ARHGEF6: variants seen among roughly 807,000 people sequenced by gnomAD.
ARHGEF6 encodes rho guanine nucleotide exchange factor 6.
In ARHGEF6, 9 loss-of-function variants were observed where a neutral mutation model predicts 70.3. That is an observed-to-expected ratio of 0.13 (90% confidence interval 0.08 to 0.22). ARHGEF6 has a LOEUF of 0.22. Ranked by LOEUF, ARHGEF6 falls within the 10% of genes least tolerant of loss-of-function variation. The pLI, the probability that ARHGEF6 is intolerant of heterozygous loss-of-function variation, is 1.00. For synonymous variants in ARHGEF6, 201 were observed against 207.8 expected (o/e 0.97, Z 0.28); for missense variants, 470 against 563.0 (o/e 0.83, Z 1.67).
At chrX:136,746,593 C>T (rs1231868290) in intron 3 of ARHGEF6, among the ~76,000 whole-genome samples, 1 of 111,588 alleles carries the variant, frequency 9.0e-6, no homozygotes, top group Non-Finnish European at 1.9e-5. Flanking sequence ...GGGACCATAG[C>T]TTTGACATTT....
intron 2 of ARHGEF6, among the ~76,000 whole-genome samples, chrX:136,769,009 A>G (rs1406143818): frequency 4.5e-5 from 5 of 109,996 alleles, no homozygotes; most frequent in African/African-American, 1.7e-4. Context: ...AGAGAGGGGG[A>G]AAGAGAGGAG....
intron 6 of ARHGEF6, among the ~76,000 whole-genome samples, chrX:136,722,171 T>C (rs1283807178): frequency 9.0e-6 from 1 of 111,446 alleles, no homozygotes. Flanking sequence ...CCCTACCTCA[T>C]ACCATATACA....
Position 136,679,539 on chromosome X carries a change from T to A in ARHGEF6, c.1826A>T (p.Lys609Ile), listed in dbSNP as rs756204695. Residue 609 changes from lysine (K) to isoleucine (I), a missense_variant, in exon 16 of 22, where the codon AAA becomes ATA. Lys to Ile is a moderately radical substitution (Grantham distance 102). Transcript: ENST00000250617. ...TACCATAGGTAGCAAAATTACCTCT[T>A]TATAACCTAGTGCTGCTGATGGTCT... is the stretch of plus-strand genomic sequence containing the variant. ...PLRPSAALGY[K>I]ERMSYILKES... 8.3e-7 allele frequency: 1 copy of A among 1,211,473 alleles called. No individual in the cohort carries two copies. Among genetic ancestry groups the A allele is most frequent in the Non-Finnish European group, 1.1e-6 (1 of 895,209 alleles).
chrX:136,705,861 A>G (rs1243235723), intron 9 of ARHGEF6, among the ~76,000 whole-genome samples: 1 of 112,653 alleles, frequency 8.9e-6, no homozygotes, highest in Non-Finnish European at 1.9e-5. Context: ...TTAATAAACC[A>G]GGACAAGAAC....
At chrX:136,755,788 G>A (rs958827087) in intron 2 of ARHGEF6, among the ~76,000 whole-genome samples, 2 of 111,816 alleles carry the variant, frequency 1.8e-5, no homozygotes, top group Admixed American at 1.9e-4. Flanking sequence ...CATTATGCAG[G>A]TACTGAGATT....
chrX:136,769,477 G>A (rs749567345), intron 2 of ARHGEF6, among the ~76,000 whole-genome samples: 2 of 111,658 alleles, frequency 1.8e-5, no homozygotes, highest in East Asian at 5.6e-4. Context: ...AGATGGTAGG[G>A]TGTCCCTGGC....
At chrX:136,741,395 C>G (rs770588336) in intron 5 of ARHGEF6, among the ~76,000 whole-genome samples, 1 of 111,682 alleles carries the variant, frequency 9.0e-6, no homozygotes, top group Non-Finnish European at 1.9e-5. Flanking sequence ...TTTCTTTTCC[C>G]TAGCTTACTT....
At chrX:136,775,692 G>A (rs1382559919) in intron 2 of ARHGEF6, among the ~76,000 whole-genome samples, 1 of 111,333 alleles carries the variant, frequency 9.0e-6, no homozygotes. Flanking sequence ...GGAAGTCCTA[G>A]CCAGAGCAAT....
intron 20 of ARHGEF6, among the ~76,000 whole-genome samples, chrX:136,670,548 T>A (rs1228028797): frequency 3.6e-5 from 4 of 111,657 alleles, no homozygotes; most frequent in Admixed American, 9.5e-5. Flanking sequence ...TTTGGTACCC[T>A]TTGACCAACA....
intron 6 of ARHGEF6, among the ~76,000 whole-genome samples, chrX:136,717,573 T>G (rs1262754677): frequency 8.9e-6 from 1 of 111,826 alleles, no homozygotes; most frequent in African/African-American, 3.2e-5. Context: ...AATAAAAACT[T>G]TTTTCTTATT....
intron 16 of ARHGEF6, 149 bp from the exon 17 acceptor site, chrX:136,678,105 A>T (rs749404971): frequency 1.8e-6 from 1 of 547,822 alleles, no homozygotes; most frequent in Non-Finnish European, 3.2e-6. Flanking sequence ...CATTTCCCAC[A>T]TTAGTTTCAG....
chrX:136,675,304 T>C (rs1452276761), intron 18 of ARHGEF6, among the ~76,000 whole-genome samples: 5 of 104,698 alleles, frequency 4.8e-5, no homozygotes, highest in African/African-American at 7.1e-5. Flanking sequence ...CTCAGCTTAG[T>C]GGAGGGCCTA....
intron 16 of ARHGEF6, 84 bp downstream of exon 16, chrX:136,679,451 C>T: frequency 9.2e-7 from 1 of 1,090,643 alleles, no homozygotes; most frequent in Non-Finnish European, 1.3e-6. Context: ...ATCTTAAATT[C>T]TAGCACATTC....
In ARHGEF6 at chrX:136,667,535, A is replaced by T. The variant is rs1487978677; in HGVS notation, c.*494T>A. 8.0e-6 allele frequency: 1 copy of T among 124,315 alleles called. No individual in the cohort carries two copies. Among genetic ancestry groups the T allele is most frequent in the Non-Finnish European group, 1.6e-5 (1 of 60,876 alleles). 10.2% of individuals were successfully genotyped at this position (124,315 alleles called of 1,213,427 possible). On this transcript the variant is annotated 3_prime_UTR_variant, in exon 22 of 22. Coordinates refer to ENST00000250617, the MANE Select transcript of ARHGEF6 (RefSeq NM_004840.3). ...CTGGAAGATTTGCCTTCGGTAAATT[A>T]AGTACTAAGAGGCTTGCAGGTACAG...
intron 9 of ARHGEF6, 54 bp from the exon 10 acceptor site, chrX:136,690,802 T>C (rs1428540475): frequency 2.6e-5 from 30 of 1,139,117 alleles, no homozygotes; most frequent in Non-Finnish European, 3.4e-5. Context: ...ATGTAAAGAA[T>C]TATCAACCTA....
chrX:136,698,229 A>T (rs763662422), intron 9 of ARHGEF6, among the ~76,000 whole-genome samples: 4 of 112,044 alleles, frequency 3.6e-5, no homozygotes, highest in Non-Finnish European at 5.6e-5. Context: ...AAAAGGAGAA[A>T]AAAGAATAAA....
chrX:136,686,504 C>G (rs1220684823), intron 11 of ARHGEF6, among the ~76,000 whole-genome samples: 1 of 101,140 alleles, frequency 9.9e-6, no homozygotes, highest in African/African-American at 3.6e-5. Flanking sequence ...TGATGACATA[C>G]TGAAATTTCA....
At chrX:136,696,316 G>C (rs1463514476) in intron 9 of ARHGEF6, among the ~76,000 whole-genome samples, 2 of 111,828 alleles carry the variant, frequency 1.8e-5, no homozygotes, top group East Asian at 5.6e-4. Context: ...AAGCGTAGCA[G>C]GTGAAAACCA....
At chrX:136,675,710 C>T (rs112472231) in intron 18 of ARHGEF6, among the ~76,000 whole-genome samples, 119 of 109,404 alleles carry the variant, frequency 1.1e-3, no homozygotes, top group African/African-American at 3.5e-3. Context: ...TTAGTAGAGA[C>T]GAGGTTTCAC....
Sources: gnomAD v4.1 joint callset for allele counts (sites outside exome capture counted in the v4.1 genomes callset) on GRCh38, gnomAD v4.1.1 for gene constraint, MANE v1.5 for transcripts, NCBI Gene and HGNC (gene_info 2026-07-23, HGNC 2026-07-21) for gene names.